Variants in WDR27 observed in about 807,000 individuals in gnomAD.
The protein encoded by WDR27 is WD repeat-containing protein 27.
Under a neutral mutation model 114.4 loss-of-function variants are expected in WDR27, and 100 were observed. That is an observed-to-expected ratio of 0.87 (90% CI 0.74 to 1.03). The LOEUF (loss-of-function observed/expected upper bound fraction) is 1.03, where lower values mean the gene tolerates loss of function less well. Ranked by LOEUF, WDR27 falls within the 50% of genes least tolerant of loss-of-function variation. The pLI, the probability that WDR27 is intolerant of heterozygous loss-of-function variation, is 0.00. For missense variants in WDR27, 1,129 were observed against 1,092.9 expected (o/e 1.03, Z -0.47); for synonymous variants, 449 against 423.1 (o/e 1.06, Z -0.75).
intron 21 of WDR27, among the ~76,000 whole-genome samples, chr6:169,619,867 T>C (rs1038489492): frequency 2.0e-5 from 3 of 152,170 alleles, no homozygotes; most frequent in Admixed American, 6.5e-5. Flanking sequence ...GCCATGTTAA[T>C]AGAGATTCTT....
chr6:169,503,365 T>C (rs937331919), intron 25 of WDR27, among the ~76,000 whole-genome samples: 1 of 152,208 alleles, frequency 6.6e-6, no homozygotes, highest in Non-Finnish European at 1.5e-5. Flanking sequence ...AGGTCCAAAG[T>C]TGAAGACAAT....
intron 25 of WDR27, among the ~76,000 whole-genome samples, chr6:169,549,197 G>A (rs991144324): frequency 3.3e-5 from 5 of 152,114 alleles, no homozygotes; most frequent in African/African-American, 7.2e-5. Flanking sequence ...AAAATAACCC[G>A]ATAAAAAATT....
At chr6:169,631,514 G>A (rs1453588641) in intron 21 of WDR27, among the ~76,000 whole-genome samples, 1 of 152,136 alleles carries the variant, frequency 6.6e-6, no homozygotes. Context: ...GCTGCCCACA[G>A]GGAGGGCACG....
Position 169,644,816 on chromosome 6 carries a change from C to T in WDR27, c.1658-1030G>A, listed in dbSNP as rs866453072. 5.4e-4 allele frequency among the ~76,000 whole-genome samples: 37 copies of T among 69,114 alleles called. 8 individuals are homozygous for T. The highest frequency in any genetic ancestry group is 2.0e-3 in the Admixed American group (12 of 5,990). The allele number at this position is 69,114 out of a possible 152,430, so 45.3% of individuals were successfully genotyped here. A position where few individuals can be genotyped will look rare whatever the true frequency, so the allele number is the denominator to read the frequency against. On this transcript the variant is annotated intron_variant, in intron 16 of 25. Coordinates refer to ENST00000448612, the MANE Select transcript of WDR27 (RefSeq NM_182552.5). ...CGAGGTCAGGAGATCGAGACCATCC[C>T]GGCTAAAACGGTGAAACCCCGTCTC... is the stretch of plus-strand genomic sequence containing the variant.
chr6:169,580,933 T>TTA (rs1220748162), intron 24 of WDR27, among the ~76,000 whole-genome samples: 171 of 53,686 alleles, frequency 3.2e-3, no homozygotes, highest in African/African-American at 5.5e-3. Context: ...TTAGTGAATT[T>TTA]TATATATATA....
intron 22 of WDR27, among the ~76,000 whole-genome samples, chr6:169,608,942 T>C (rs1211886413): frequency 2.0e-5 from 3 of 152,110 alleles, no homozygotes; most frequent in African/African-American, 7.2e-5. Context: ...TCATTCCAAA[T>C]GGGAGAAACT....
chr6:169,651,782 CCCA>C lies in WDR27; in HGVS notation c.1481+145_1481+147del, dbSNP rs576316381. The stretch of plus-strand genomic sequence containing the variant: ...TGCTAACTGGCATGCTGGGGTCCAA[CCCA>C]CCACATTTTAACTTCTGTTTCTATT... On this transcript the variant is annotated intron_variant, in intron 14 of 25. Coordinates refer to ENST00000448612, the MANE Select transcript of WDR27 (RefSeq NM_182552.5). 267 of 680,754 alleles carry C rather than the reference CCCA, an allele frequency of 3.9e-4. 1 individual carries two copies. In the African/African-American group the frequency reaches 4.6e-3, roughly 12 times the overall value. 42.2% of individuals were successfully genotyped at this position (680,754 alleles called of 1,614,324 possible).
intron 21 of WDR27, among the ~76,000 whole-genome samples, chr6:169,617,489 C>T (rs1812138570): frequency 6.6e-6 from 1 of 152,186 alleles, no homozygotes; most frequent in Admixed American, 6.5e-5. Context: ...GACTCTCCTG[C>T]CTCAGCCTCC....
chr6:169,479,158 A>G (rs559808224), intron 25 of WDR27, among the ~76,000 whole-genome samples: 1 of 152,308 alleles, frequency 6.6e-6, no homozygotes, highest in Admixed American at 6.5e-5. Context: ...CATCTGACAG[A>G]GCCTAATACC....
chr6:169,656,993 G>T lies in WDR27; in HGVS notation c.1402+1283C>A, dbSNP rs944183883. 3.9e-5 allele frequency among the ~76,000 whole-genome samples: 6 copies of T among 152,146 alleles called. No individual in the cohort carries two copies. The South Asian group carries it at 1.2e-3, about 31-fold the overall frequency. On this transcript the variant is annotated intron_variant, in intron 13 of 25. Transcript: ENST00000448612. ...CGGCCTTCATTCTCACAATTTCTCA[G>T]AACTGTCCCCATGGTGATGGGACGG... is the stretch of plus-strand genomic sequence containing the variant.
At chr6:169,673,878 C>T (rs769681873) in intron 2 of WDR27, among the ~76,000 whole-genome samples, 17 of 152,170 alleles carry the variant, frequency 1.1e-4, no homozygotes, top group Admixed American at 3.3e-4. Flanking sequence ...ATACAATCTA[C>T]TAAGGTGAGA....
rs150612685 is a variant in WDR27, at chr6:169,483,913, A to G, written c.2646-26279T>C. ...TGTGATTCATCACATTAAGAGAACT[A>G]AAGACAAAAATGCATGATTATCTCA... On this transcript the variant is annotated intron_variant, in intron 25 of 25. Coordinates refer to ENST00000448612, the MANE Select transcript of WDR27 (RefSeq NM_182552.5). 1.8e-3 allele frequency among the ~76,000 whole-genome samples: 280 copies of G among 152,310 alleles called. 2 individuals carry two copies. The highest frequency in any genetic ancestry group is 6.5e-3 in the African/African-American group (269 of 41,560).
In WDR27 at chr6:169,512,427, A is replaced by G. The variant is rs956670401; in HGVS notation, c.2646-54793T>C. On this transcript the variant is annotated intron_variant, in intron 25 of 25. Coordinates refer to ENST00000448612, the MANE Select transcript of WDR27 (RefSeq NM_182552.5). Reference sequence around the variant, plus strand: ...GTTCTTTATCCTAGAATGACCAAAAATTAAATTAAATTTTAAATCAAGCCT... The same window carrying G: ...GTTCTTTATCCTAGAATGACCAAAAGTTAAATTAAATTTTAAATCAAGCCT... Among the ~76,000 whole-genome samples, 24 of 152,230 alleles carry G rather than the reference A, an allele frequency of 1.6e-4. 1 individual carries two copies. The highest frequency in any genetic ancestry group is 3.2e-4 in the Non-Finnish European group (22 of 68,022).
Position 169,460,496 on chromosome 6 carries a change from G to A in WDR27, c.2646-2862C>T, listed in dbSNP as rs140974919. 9.4e-3 allele frequency among the ~76,000 whole-genome samples: 1,428 copies of A among 152,226 alleles called. 22 individuals carry two copies. The highest frequency in any genetic ancestry group is 0.032 in the African/African-American group (1,332 of 41,544). On this transcript the variant is annotated intron_variant, in intron 25 of 25. Transcript: ENST00000448612. ...ATTTACCTAAAAAATTTACTTAACA[G>A]AAGAGAAGGCAGTAATGCAGAAAAT...
intron 25 of WDR27, among the ~76,000 whole-genome samples, chr6:169,516,739 G>A (rs1033951723): frequency 6.9e-6 from 1 of 144,392 alleles, no homozygotes; most frequent in East Asian, 2.0e-4. Context: ...ATAAATGATG[G>A]GTAAGACAGA....
At chr6:169,572,976 C>T (rs1307323138) in intron 24 of WDR27, among the ~76,000 whole-genome samples, 1 of 152,148 alleles carries the variant, frequency 6.6e-6, no homozygotes, top group African/African-American at 2.4e-5. Flanking sequence ...TTCTGCCTTT[C>T]CTGCATGTGT....
intron 15 of WDR27, among the ~76,000 whole-genome samples, chr6:169,648,161 T>A (rs573875132): frequency 8.7e-4 from 132 of 152,314 alleles, no homozygotes; most frequent in Non-Finnish European, 1.4e-3. Context: ...CTGTGACGAT[T>A]TGGGGGTGAG....
chr6:169,448,258 T>G, the WDR27 span, among the ~76,000 whole-genome samples: 1 of 152,022 alleles, frequency 6.6e-6, no homozygotes, highest in Admixed American at 6.6e-5. Context: ...CTTTTATCAT[T>G]CATAGTAGCG....
At chr6:169,554,862 T>C (rs1562575000) in intron 25 of WDR27, among the ~76,000 whole-genome samples, 1 of 152,250 alleles carries the variant, frequency 6.6e-6, no homozygotes, top group African/African-American at 2.4e-5. Context: ...ATTGACTACA[T>C]ACATTTTGTT....
Sources: gnomAD v4.1 joint callset for allele counts (sites outside exome capture counted in the v4.1 genomes callset) on GRCh38, gnomAD v4.1.1 for gene constraint, MANE v1.5 for transcripts, NCBI Gene and HGNC (gene_info 2026-07-23, HGNC 2026-07-21) for gene names.